Variants in SUPT3H observed in about 807,000 individuals in gnomAD.
SUPT3H encodes SPT3 homolog, SAGA and STAGA complex component, also known as transcription initiation protein SPT3 homolog.
SUPT3H carries 44 observed loss-of-function variants against 44.3 expected under a neutral mutation model. That is an observed-to-expected ratio of 0.99 (90% CI 0.78 to 1.28). The LOEUF (loss-of-function observed/expected upper bound fraction) is 1.28. Among genes scored for constraint, SUPT3H ranks in the 50% most tolerant of loss-of-function variants. The pLI is 0.00. For synonymous variants in SUPT3H, 124 were observed against 125.6 expected (o/e 0.99, Z 0.09); for missense variants, 380 against 387.1 (o/e 0.98, Z 0.15).
chr6:45,150,543 T>C (rs1188810347), intron 2 of SUPT3H, among the ~76,000 whole-genome samples: 13 of 152,156 alleles, frequency 8.5e-5, no homozygotes, highest in African/African-American at 1.2e-4. Flanking sequence ...AGAATCAATA[T>C]TGAATATAAA....
intron 6 of SUPT3H, among the ~76,000 whole-genome samples, chr6:44,964,149 T>C (rs1020873218): frequency 2.6e-5 from 4 of 152,202 alleles, no homozygotes; most frequent in African/African-American, 9.6e-5. Flanking sequence ...TTTGAATTTC[T>C]AGCTCCTAGG....
intron 3 of SUPT3H, among the ~76,000 whole-genome samples, chr6:45,023,177 T>G (rs1393841985): frequency 6.7e-6 from 1 of 149,944 alleles, no homozygotes. Context: ...AAAAGCTCAG[T>G]AACACTGATC....
At chr6:45,004,782 T>C (rs551499631) in intron 5 of SUPT3H, among the ~76,000 whole-genome samples, 9 of 152,292 alleles carry the variant, frequency 5.9e-5, no homozygotes, top group Non-Finnish European at 1.0e-4. Flanking sequence ...TCTTATGATA[T>C]TCCTTCTATT....
intron 2 of SUPT3H, among the ~76,000 whole-genome samples, chr6:45,280,231 G>A (rs13208381): frequency 0.014 from 2,086 of 152,178 alleles, 33 homozygotes; most frequent in Middle Eastern, 0.037. Context: ...GCCAGGTGTC[G>A]TGGCTCACAC....
chr6:44,846,890 A>G (rs1220515696), intron 10 of SUPT3H, among the ~76,000 whole-genome samples: 2 of 152,196 alleles, frequency 1.3e-5, no homozygotes, highest in Non-Finnish European at 2.9e-5. Flanking sequence ...TTAGCCTCCC[A>G]AAGTGCTGGG....
At chr6:45,082,333 A>G (rs1795921527) in intron 3 of SUPT3H, among the ~76,000 whole-genome samples, 2 of 152,106 alleles carry the variant, frequency 1.3e-5, no homozygotes, top group Non-Finnish European at 2.9e-5. Context: ...CAAAGACACA[A>G]CAACAACAAC....
intron 3 of SUPT3H, among the ~76,000 whole-genome samples, chr6:45,051,487 T>C (rs1243928747): frequency 6.6e-6 from 1 of 151,258 alleles, no homozygotes; most frequent in Non-Finnish European, 1.5e-5. Context: ...TTATGTATAA[T>C]ACATATTTAT....
At chr6:45,109,054 C>G in intron 2 of SUPT3H, among the ~76,000 whole-genome samples, 1 of 151,930 alleles carries the variant, frequency 6.6e-6, no homozygotes, top group East Asian at 1.9e-4. Flanking sequence ...TAAATTGGTT[C>G]TAAACATTAT....
At chr6:44,944,601 A>T (rs879518182) in intron 9 of SUPT3H, among the ~76,000 whole-genome samples, 225 of 151,664 alleles carry the variant, frequency 1.5e-3, no homozygotes, top group Middle Eastern at 3.4e-3. Context: ...TCTACAAAAA[A>T]AAATACAATA....
chr6:45,207,675 C>T (rs1763407404), intron 2 of SUPT3H, among the ~76,000 whole-genome samples: 1 of 152,108 alleles, frequency 6.6e-6, no homozygotes, highest in Non-Finnish European at 1.5e-5. Context: ...AGTTTCGCAC[C>T]TGTTATAGTG....
chr6:45,299,140 G>C (rs929626802), intron 2 of SUPT3H, among the ~76,000 whole-genome samples: 2 of 151,776 alleles, frequency 1.3e-5, no homozygotes, highest in East Asian at 3.9e-4. Flanking sequence ...GAGGTCAGGA[G>C]TTCGAAACCA....
At position 45,092,970 on chromosome 6, in the gene SUPT3H, T is replaced by A. The variant is rs1156948785; in HGVS notation, c.186+12952A>T. On this transcript the variant is annotated intron_variant, in intron 3 of 10. Transcript: ENST00000371459. ...GAATTGAAATTATCAGCATAAATAA[T>A]CTGTTCCCTAACACAATGTAGTAAA... 3.3e-5 allele frequency among the ~76,000 whole-genome samples: 5 copies of A among 151,968 alleles called. No individual in the cohort carries two copies. The East Asian group carries it at 9.7e-4, about 29-fold the overall frequency.
chr6:45,061,532 C>T (rs1469863154), intron 3 of SUPT3H, among the ~76,000 whole-genome samples: 1 of 152,096 alleles, frequency 6.6e-6, no homozygotes, highest in African/African-American at 2.4e-5. Flanking sequence ...GTGCAGCAAA[C>T]CACCATGGCA....
At position 44,880,693 on chromosome 6, in the gene SUPT3H, C is replaced by T. The variant is rs75719576; in HGVS notation, c.913-50836G>A. On this transcript the variant is annotated intron_variant, in intron 10 of 10. Transcript: ENST00000371459. The stretch of plus-strand genomic sequence containing the variant: ...CAGCCAGAGAGTAAGAAAGGGTTAC[C>T]GACAAAGGGAAGCCCATCAGACTAA... Among the ~76,000 whole-genome samples the T allele has an allele frequency of 4.0e-3, 603 of 152,154 alleles. 7 individuals are homozygous for T. Among genetic ancestry groups the T allele is most frequent in the African/African-American group, 0.014 (570 of 41,510 alleles).
chr6:45,322,337 A>G (rs1426068338), intron 2 of SUPT3H, among the ~76,000 whole-genome samples: 1 of 151,412 alleles, frequency 6.6e-6, no homozygotes, highest in African/African-American at 2.4e-5. Context: ...TACATTTTAA[A>G]CAATGCTTTA....
intron 5 of SUPT3H, among the ~76,000 whole-genome samples, chr6:45,012,579 T>C (rs546425142): frequency 2.6e-5 from 4 of 152,238 alleles, no homozygotes; most frequent in African/African-American, 7.2e-5. Context: ...AAAAATTTTA[T>C]TTCCTTTAGT....
chr6:45,282,776 A>G (rs1266565234), intron 2 of SUPT3H, among the ~76,000 whole-genome samples: 1 of 152,200 alleles, frequency 6.6e-6, no homozygotes, highest in Non-Finnish European at 1.5e-5. Flanking sequence ...TCCAAGACAC[A>G]TAATTGTCAG....
chr6:44,997,061 GGTATTAGGTTGGT>G (rs925945369), intron 6 of SUPT3H, among the ~76,000 whole-genome samples: 10 of 151,576 alleles, frequency 6.6e-5, no homozygotes, highest in African/African-American at 2.4e-4. Flanking sequence ...ATTATTTGGT[GGTATTAGGTTGGT>G]GCAAAAGTAA....
intron 2 of SUPT3H, among the ~76,000 whole-genome samples, chr6:45,211,299 C>T (rs1764036533): frequency 6.6e-6 from 1 of 152,034 alleles, no homozygotes; most frequent in Admixed American, 6.5e-5. Context: ...AACAGTAAGG[C>T]TCCTACTCTC....
Sources: gnomAD v4.1 joint callset for allele counts (sites outside exome capture counted in the v4.1 genomes callset) on GRCh38, gnomAD v4.1.1 for gene constraint, MANE v1.5 for transcripts, NCBI Gene and HGNC (gene_info 2026-07-23, HGNC 2026-07-21) for gene names.